Variants in SENP2 observed in about 807,000 individuals in gnomAD.
The protein encoded by SENP2 is SUMO specific peptidase 2.
SENP2 carries 16 observed loss-of-function variants against 86.3 expected under a neutral mutation model. The observed-to-expected ratio is 0.19, with a 90% CI of 0.13 to 0.28. The LOEUF (loss-of-function observed/expected upper bound fraction) is 0.28. Ranked by LOEUF, SENP2 falls within the 10% of genes least tolerant of loss-of-function variation. The pLI, the probability that SENP2 is intolerant of heterozygous loss-of-function variation, is 1.00. For synonymous variants in SENP2, 222 were observed against 238.7 expected (o/e 0.93, Z 0.64); for missense variants, 552 against 703.0 (o/e 0.79, Z 2.43).
intron 15 of SENP2, 75 bp downstream of exon 15, chr3:185,624,157 T>TCCTCCCTC (rs1560201775): frequency 9.4e-5 from 85 of 902,486 alleles, no homozygotes; most frequent in Non-Finnish European, 1.4e-4. Context: ...TTGGCTCCCT[T>TCCTCCCTC]CCTGCCCTTC....
At chr3:185,594,816 A>G (rs1722125333) in intron 2 of SENP2, among the ~76,000 whole-genome samples, 1 of 152,048 alleles carries the variant, frequency 6.6e-6, no homozygotes. Context: ...ACGGAGTTTC[A>G]CCATATTGGC....
chr3:185,617,391 T>TAG, intron 11 of SENP2, 89 bp from the exon 12 acceptor site: 1 of 1,130,138 alleles, frequency 8.8e-7, no homozygotes, highest in Non-Finnish European at 1.2e-6. Flanking sequence ...GTTGCCGAGA[T>TAG]GAAAAACTTT....
chr3:185,598,462 T>A lies in SENP2; in HGVS notation c.208T>A (p.Phe70Ile). The change falls in exon 3 of 17, where the codon TTT becomes ATT. Residue 70 changes from phenylalanine to isoleucine, a missense_variant. Phe to Ile is a conservative substitution (Grantham distance 21). Around this residue, in one of 2 missense-constraint regions of SENP2, gnomAD observed 383 missense variants for 427.3 expected, o/e 0.90. Transcript: ENST00000296257. ...CAGTCTCTACAATGCTGCCAGCTTA[T>A]TTGGATTCCCATTCCAGCTGACCAC... is the stretch of plus-strand genomic sequence containing the variant. The part of the protein sequence containing the change: ...KNSLYNAASL[F>I]GFPFQLTTKP... 1.2e-6 allele frequency: 2 copies of A among 1,614,140 alleles called. No individual in the cohort carries two copies. Among genetic ancestry groups the A allele is most frequent in the Non-Finnish European group, 1.7e-6 (2 of 1,179,958 alleles).
chr3:185,606,602 A>G, intron 6 of SENP2, 104 bp downstream of exon 6: 1 of 1,009,402 alleles, frequency 9.9e-7, no homozygotes, highest in Non-Finnish European at 1.4e-6. Flanking sequence ...ATACCATTGT[A>G]GGTTTTCCTA....
At chr3:185,598,304 C>A in intron 2 of SENP2, 108 bp from the exon 3 acceptor site, 4 of 1,222,886 alleles carry the variant, frequency 3.3e-6, no homozygotes, top group South Asian at 1.3e-5. Context: ...CCACACCCAG[C>A]AAATAGAACT....
intron 9 of SENP2, 101 bp downstream of exon 9, chr3:185,612,759 C>A: frequency 1.2e-6 from 1 of 829,028 alleles, no homozygotes; most frequent in Non-Finnish European, 1.9e-6. Flanking sequence ...TGTGAACTCT[C>A]TTGAGTTCTG....
At position 185,631,430 on chromosome 3, in the gene SENP2, C is replaced by CCGCCTTGCACT. The variant is rs1553842234; in HGVS notation, c.*1587_*1588insGCCTTGCACTC. Reference sequence around the variant, plus strand: ...AGCAGGTTGTACCACACCTCTCCCCCCCCCCTCCCACTCCCCCTCCCTCCC... The same window carrying CCGCCTTGCACT: ...AGCAGGTTGTACCACACCTCTCCCCCCGCCTTGCACTCCCCCTCCCACTCCCCCTCCCTCCC... On this transcript the variant is annotated 3_prime_UTR_variant, in exon 17 of 17. Transcript: ENST00000296257. 2.3e-5 allele frequency: 1 copy of CCGCCTTGCACT among 43,294 alleles called. No homozygotes were observed. Among genetic ancestry groups the CCGCCTTGCACT allele is most frequent in the Non-Finnish European group, 4.3e-5 (1 of 23,470 alleles). 2.7% of individuals were successfully genotyped at this position (43,294 alleles called of 1,614,324 possible).
At chr3:185,596,286 A>G (rs1191384012) in intron 2 of SENP2, among the ~76,000 whole-genome samples, 1 of 151,968 alleles carries the variant, frequency 6.6e-6, no homozygotes, top group Non-Finnish European at 1.5e-5. Context: ...ACACATCTCC[A>G]CTAGAGGGAT....
chr3:185,594,838 C>T (rs987054919), intron 2 of SENP2, among the ~76,000 whole-genome samples: 4 of 151,676 alleles, frequency 2.6e-5, no homozygotes, highest in African/African-American at 7.3e-5. Flanking sequence ...AGGCTGGTCT[C>T]GAACTCCTGA....
intron 16 of SENP2, among the ~76,000 whole-genome samples, chr3:185,629,184 C>T (rs148700910): frequency 1.3e-5 from 2 of 152,194 alleles, no homozygotes; most frequent in East Asian, 3.9e-4. Context: ...AGAAAAGTTG[C>T]CTATTGTGCC....
chr3:185,586,568 G>T lies in SENP2; in HGVS notation c.101+54G>T, dbSNP rs1333200453. 29 of 1,528,280 alleles carry T rather than the reference G, an allele frequency of 1.9e-5. No individual in the cohort carries two copies. Among genetic ancestry groups the T allele is most frequent in the Non-Finnish European group, 2.4e-5 (27 of 1,112,232 alleles). The allele number at this position is 1,528,280 out of a possible 1,614,324, so 94.7% of individuals were successfully genotyped here. On this transcript the variant is annotated intron_variant, in intron 1 of 16. Coordinates refer to ENST00000296257, the MANE Select transcript of SENP2 (RefSeq NM_021627.3). The surrounding 1 kb of genome is among the most constrained non-coding windows in gnomAD (Gnocchi z 4.3). ...CTGGCCTTACCCCCTCCCCCACAGC[G>T]GGCTCCTCGGCCGTGATAGCTTTGA...
intron 2 of SENP2, among the ~76,000 whole-genome samples, chr3:185,590,409 G>C (rs751590517): frequency 1.3e-5 from 2 of 151,912 alleles, no homozygotes; most frequent in Non-Finnish European, 2.9e-5. Flanking sequence ...TTAGCTTGCT[G>C]TGGTGGCAGG....
At position 185,598,615 on chromosome 3, in the gene SENP2, C is replaced by T. The variant is rs866968336; in HGVS notation, c.291+70C>T. 11 of 1,477,836 alleles carry T rather than the reference C, an allele frequency of 7.4e-6. No individual in the cohort carries two copies. The Middle Eastern group carries it at 1.8e-3, about 248-fold the overall frequency. 91.5% of individuals were successfully genotyped at this position (1,477,836 alleles called of 1,614,324 possible). The stretch of plus-strand genomic sequence containing the variant: ...TAATCATTATATTTTAGAAAATTCT[C>T]TCTTCGAGAGTTAATGTGTATAATT... On this transcript the variant is annotated intron_variant, in intron 3 of 16. Coordinates refer to ENST00000296257, the MANE Select transcript of SENP2 (RefSeq NM_021627.3).
chr3:185,598,219 T>G (rs1722237622), intron 2 of SENP2, among the ~76,000 whole-genome samples, 193 bp from the exon 3 acceptor site: 1 of 151,898 alleles, frequency 6.6e-6, no homozygotes, highest in Non-Finnish European at 1.5e-5. Flanking sequence ...TGGCCCAAGC[T>G]GGTCTCGAGC....
Position 185,614,740 on chromosome 3 carries a change from G to A in SENP2, c.1110G>A (p.Glu370=). The change falls in exon 11 of 17, where the codon GAG becomes GAA. Residue 370 remains glutamate, a splice_region_variant and synonymous_variant. Transcript: ENST00000296257. ...CGGACGATCTCCTTGAACTTACAGA[G>A]GTATTGTTCTTTGTATTGATCCTAA... ...RRTDDLLELT[E]DMEKEISNAL... is the part of the protein sequence containing the mutation. The A allele has an allele frequency of 6.2e-7, 1 of 1,613,242 alleles. No individual in the cohort carries two copies. The highest frequency in any genetic ancestry group is 8.5e-7 in the Non-Finnish European group (1 of 1,179,630).
chr3:185,612,493 G>A (rs1252627325), intron 8 of SENP2, 114 bp from the exon 9 acceptor site: 1 of 707,270 alleles, frequency 1.4e-6, no homozygotes, highest in Non-Finnish European at 2.4e-6. Context: ...ATTCACTGTA[G>A]CATTTCAATG....
chr3:185,598,837 T>C, intron 3 of SENP2, 121 bp from the exon 4 acceptor site: 1 of 744,602 alleles, frequency 1.3e-6, no homozygotes. Context: ...AGTTAAACCT[T>C]AGGTCTTATT....
chr3:185,612,700 A>G, intron 9 of SENP2, 42 bp downstream of exon 9: 1 of 1,388,618 alleles, frequency 7.2e-7, no homozygotes, highest in Non-Finnish European at 1.0e-6. Flanking sequence ...TTTAATATAT[A>G]TTTTCTTACT....
At chr3:185,629,588 A>G (rs912910168) in intron 16 of SENP2, among the ~76,000 whole-genome samples, 194 bp from the exon 17 acceptor site, 3 of 152,104 alleles carry the variant, frequency 2.0e-5, no homozygotes, top group African/African-American at 7.2e-5. Context: ...AAAAAAAAAA[A>G]AAGTGCTTAT....
Sources: gnomAD v4.1 joint callset for allele counts (sites outside exome capture counted in the v4.1 genomes callset) on GRCh38, gnomAD v4.1.1 for gene constraint, gnomAD v4.1.1 regional missense constraint, Gnocchi (gnomAD v3.1) non-coding constraint, MANE v1.5 for transcripts, NCBI Gene and HGNC (gene_info 2026-07-23, HGNC 2026-07-21) for gene names.